Variants in LRRTM3 observed in about 807,000 individuals in gnomAD.
LRRTM3 encodes the protein leucine rich repeat transmembrane neuronal 3, also known as leucine-rich repeat transmembrane neuronal protein 3.
LRRTM3 carries 24 observed loss-of-function variants against 44.7 expected under a neutral mutation model. That is an observed-to-expected ratio of 0.54 (90% CI 0.39 to 0.76). LRRTM3 has a LOEUF of 0.76. Ranked by LOEUF, LRRTM3 falls within the 30% of genes least tolerant of loss-of-function variation. The pLI, the probability that LRRTM3 is intolerant of heterozygous loss-of-function variation, is 0.00. For synonymous variants in LRRTM3, 277 were observed against 278.7 expected, an observed-to-expected ratio of 0.99 and a Z score of 0.06; for missense variants, 587 against 702.2, an observed-to-expected ratio of 0.84 and a Z score of 1.85.
intron 2 of LRRTM3, among the ~76,000 whole-genome samples, chr10:67,086,219 C>T (rs1796012224): frequency 6.6e-6 from 1 of 151,832 alleles, no homozygotes; most frequent in Non-Finnish European, 1.5e-5. Context: ...ATAGCAATAC[C>T]TCATCCCTAT....
In LRRTM3 at chr10:67,061,529, A is replaced by C. The variant is rs538427924; in HGVS notation, c.1537-36058A>C. ...CATCTTTAGCTGGAGTGGAGGCTGC[A>C]CTTCCCTTGTCCCTTAACAGGCATA... On this transcript the variant is annotated intron_variant, in intron 2 of 2. Coordinates refer to ENST00000361320, the MANE Select transcript of LRRTM3 (RefSeq NM_178011.5). Among the ~76,000 whole-genome samples, 5 of 152,222 alleles carry C rather than the reference A, an allele frequency of 3.3e-5. No individual in the cohort carries two copies. In the South Asian group the frequency reaches 1.0e-3, roughly 32 times the overall value.
chr10:66,967,663 A>G (rs967812251), intron 2 of LRRTM3, among the ~76,000 whole-genome samples: 2 of 152,084 alleles, frequency 1.3e-5, no homozygotes, highest in African/African-American at 4.8e-5. Context: ...ATTTTCTAAC[A>G]TTTATTAAGA....
At chr10:67,050,002 T>A (rs1854983642) in intron 2 of LRRTM3, among the ~76,000 whole-genome samples, 1 of 152,218 alleles carries the variant, frequency 6.6e-6, no homozygotes, top group African/African-American at 2.4e-5. Flanking sequence ...TAATGCAGTA[T>A]CCATTTGTAA....
chr10:66,962,328 C>A (rs1925562), intron 2 of LRRTM3, among the ~76,000 whole-genome samples: 64,342 of 151,794 alleles, frequency 0.42, 15,360 homozygotes, highest in East Asian at 0.6. Flanking sequence ...CGTACTTACA[C>A]CTCCTTCTGC....
chr10:67,092,143 G>A (rs1171713642), intron 2 of LRRTM3, among the ~76,000 whole-genome samples: 3 of 151,870 alleles, frequency 2.0e-5, no homozygotes, highest in East Asian at 1.9e-4. Context: ...TTCTTTCACT[G>A]TATGCAGATG....
chr10:66,984,509 C>A (rs1314270443), intron 2 of LRRTM3, among the ~76,000 whole-genome samples: 1 of 152,126 alleles, frequency 6.6e-6, no homozygotes, highest in Admixed American at 6.6e-5. Flanking sequence ...CTTAGGAAGT[C>A]ATTTTGTCTC....
At chr10:67,071,064 C>T (rs1163416184) in intron 2 of LRRTM3, among the ~76,000 whole-genome samples, 2 of 152,090 alleles carry the variant, frequency 1.3e-5, no homozygotes, top group African/African-American at 4.8e-5. Flanking sequence ...TCATTTATCA[C>T]TTCTTACTTT....
intron 2 of LRRTM3, among the ~76,000 whole-genome samples, chr10:67,078,185 T>C (rs1589705845): frequency 6.6e-6 from 1 of 152,284 alleles, no homozygotes; most frequent in East Asian, 1.9e-4. Context: ...CACTTTTAGG[T>C]TCTTTGCTTG....
At chr10:67,069,907 A>G (rs964474066) in intron 2 of LRRTM3, among the ~76,000 whole-genome samples, 2 of 152,328 alleles carry the variant, frequency 1.3e-5, no homozygotes, top group African/African-American at 2.4e-5. Flanking sequence ...ACATGTGTAC[A>G]TATTTCTCCT....
At chr10:67,037,214 G>A (rs1396135992) in intron 2 of LRRTM3, among the ~76,000 whole-genome samples, 2 of 152,096 alleles carry the variant, frequency 1.3e-5, no homozygotes, top group African/African-American at 4.8e-5. Flanking sequence ...ATGTTTACTT[G>A]TAAGTAATGT....
chr10:67,011,013 T>G (rs538564056), intron 2 of LRRTM3, among the ~76,000 whole-genome samples: 1 of 152,234 alleles, frequency 6.6e-6, no homozygotes, highest in East Asian at 1.9e-4. Flanking sequence ...ATTATTAAAC[T>G]GAAATTAAGA....
intron 2 of LRRTM3, among the ~76,000 whole-genome samples, chr10:66,944,662 T>C (rs1416586164): frequency 6.6e-6 from 1 of 152,156 alleles, no homozygotes; most frequent in Non-Finnish European, 1.5e-5. Flanking sequence ...CCAATTTACT[T>C]TGCCCAGATC....
chr10:67,016,963 T>C (rs1416637644), intron 2 of LRRTM3, among the ~76,000 whole-genome samples: 2 of 152,134 alleles, frequency 1.3e-5, no homozygotes, highest in Non-Finnish European at 2.9e-5. Flanking sequence ...TCTAATTAGT[T>C]CACATAAATT....
At chr10:66,994,359 T>A (rs1344436274) in intron 2 of LRRTM3, among the ~76,000 whole-genome samples, 2 of 152,234 alleles carry the variant, frequency 1.3e-5, no homozygotes, top group Admixed American at 1.3e-4. Context: ...AATTTGCTTC[T>A]ACATTAGGTA....
At chr10:66,943,679 T>C (rs974654736) in intron 2 of LRRTM3, among the ~76,000 whole-genome samples, 6 of 152,162 alleles carry the variant, frequency 3.9e-5, no homozygotes, top group Non-Finnish European at 7.4e-5. Flanking sequence ...TTTTGTACTT[T>C]TGTACAGCAG....
chr10:66,943,941 A>G (rs1318324492), intron 2 of LRRTM3, among the ~76,000 whole-genome samples: 1 of 152,226 alleles, frequency 6.6e-6, no homozygotes, highest in Non-Finnish European at 1.5e-5. Flanking sequence ...TTAGAGAATC[A>G]CAATCTTTTT....
intron 2 of LRRTM3, among the ~76,000 whole-genome samples, chr10:66,970,475 A>G (rs772515315): frequency 4.2e-5 from 6 of 141,880 alleles, no homozygotes; most frequent in Non-Finnish European, 9.2e-5. Flanking sequence ...AGCCAGAAAT[A>G]CTCCACAAAA....
chr10:67,068,470 C>T (rs1193874920), intron 2 of LRRTM3, among the ~76,000 whole-genome samples: 1 of 152,144 alleles, frequency 6.6e-6, no homozygotes. Flanking sequence ...AGTTTAGAGA[C>T]ACAGATTTGA....
intron 2 of LRRTM3, among the ~76,000 whole-genome samples, chr10:66,989,604 G>GTA (rs1365234308): frequency 5.3e-5 from 8 of 152,186 alleles, no homozygotes; most frequent in Admixed American, 2.0e-4. Flanking sequence ...AAAGAGATGT[G>GTA]TATATATATA....
Sources: gnomAD v4.1 joint callset for allele counts (sites outside exome capture counted in the v4.1 genomes callset) on GRCh38, gnomAD v4.1.1 for gene constraint, MANE v1.5 for transcripts, NCBI Gene and HGNC (gene_info 2026-07-23, HGNC 2026-07-21) for gene names.